KCNN1: variants seen among roughly 807,000 people sequenced by gnomAD.
The protein encoded by KCNN1 is potassium calcium-activated channel subfamily N member 1.
A neutral mutation model predicts 44.7 loss-of-function variants in KCNN1; 20 were observed. The observed-to-expected ratio is 0.45, with a 90% CI of 0.32 to 0.65. The LOEUF is 0.65. Among genes scored for constraint, KCNN1 ranks in the 30% least tolerant of loss-of-function variants. The pLI is 0.05. For synonymous variants in KCNN1, 324 were observed against 341.7 expected (o/e 0.95, Z 0.57); for missense variants, 632 against 785.3 (o/e 0.80, Z 2.33).
At chr19:17,968,119 C>G (rs1379404485) in intron 1 of KCNN1, among the ~76,000 whole-genome samples, 1 of 151,092 alleles carries the variant, frequency 6.6e-6, no homozygotes, top group South Asian at 2.1e-4. Flanking sequence ...GGGGGATCCT[C>G]GGAGACCTTC....
At chr19:17,982,562 C>G in intron 4 of KCNN1, 1 of 985,418 alleles carries the variant, frequency 1.0e-6, no homozygotes, top group South Asian at 4.7e-5. Context: ...CTCCACTGGA[C>G]TTTAGGGAAA....
chr19:17,984,935 C>T (rs2032543377), intron 4 of KCNN1, among the ~76,000 whole-genome samples: 1 of 152,140 alleles, frequency 6.6e-6, no homozygotes, highest in Non-Finnish European at 1.5e-5. Context: ...CTCCTTGGGG[C>T]CTTGCTGGCT....
chr19:17,989,185 C>T (rs1348098971), intron 6 of KCNN1, among the ~76,000 whole-genome samples: 1 of 152,122 alleles, frequency 6.6e-6, no homozygotes, highest in Non-Finnish European at 1.5e-5. Context: ...TGGCCGGGCG[C>T]GGTGGCTCAC....
At chr19:17,969,666 T>A (rs1256949103) in intron 1 of KCNN1, among the ~76,000 whole-genome samples, 1 of 152,206 alleles carries the variant, frequency 6.6e-6, no homozygotes, top group Non-Finnish European at 1.5e-5. Flanking sequence ...CATCCCCAAA[T>A]TGCATCTTCA....
At chr19:17,961,582 C>CTTTTT (rs756599442) in intron 2 of KCNN1, among the ~76,000 whole-genome samples, 5 of 101,308 alleles carry the variant, frequency 4.9e-5, no homozygotes, top group Admixed American at 1.0e-4. Context: ...TTCTTTCTTT[C>CTTTTT]TTTCTTTTTT....
chr19:17,965,140 C>T (rs183875984), upstream of KCNN1, among the ~76,000 whole-genome samples: 513 of 152,118 alleles, frequency 3.4e-3, 3 homozygotes, highest in South Asian at 5.0e-3. Context: ...TGGTGCACGC[C>T]TGTAATCCCA....
rs1014622547 is a variant in KCNN1, at chr19:17,981,611, G to T, written c.499-98G>T. On this transcript the variant is annotated intron_variant, in intron 3 of 9. Transcript: ENST00000684775. ...AAAAATCCGAGCCTGTGGGGTTTCA[G>T]GCCAGGCTGACGTCACTCTCTGGGG... The T allele has an allele frequency of 2.6e-5, 27 of 1,042,808 alleles. 1 individual carries two copies. In the Admixed American group the frequency reaches 6.7e-4, roughly 26 times the overall value. The allele number at this position is 1,042,808 out of a possible 1,614,324, so 64.6% of individuals were successfully genotyped here.
chr19:17,952,764 T>C (rs1259176485), intron 1 of KCNN1, among the ~76,000 whole-genome samples: 1 of 151,898 alleles, frequency 6.6e-6, no homozygotes, highest in African/African-American at 2.4e-5. Context: ...GGCTGCGCAG[T>C]AGGAGGGAAC....
Position 17,993,779 on chromosome 19 carries a change from C to T in KCNN1, c.1377+220C>T, listed in dbSNP as rs1486004193. 6.6e-6 allele frequency among the ~76,000 whole-genome samples: 1 copy of T among 151,866 alleles called. No homozygotes were observed. The highest frequency in any genetic ancestry group is 1.5e-5 in the Non-Finnish European group (1 of 67,978). ...TACAACAATTAGCCAGGCGTGGTGG[C>T]GGGCGCCTTTAATCCCAGCTACTTG... On this transcript the variant is annotated intron_variant, in intron 9 of 9. Transcript: ENST00000684775. This position sits in a 1 kb window ranked among gnomAD's most constrained non-coding sequence, Gnocchi z 4.5.
chr19:17,993,086 G>A lies in KCNN1; in HGVS notation c.1307+24G>A, dbSNP rs1416872304. The A allele has an allele frequency of 1.2e-6, 2 of 1,613,668 alleles. No individual in the cohort carries two copies. Among genetic ancestry groups the A allele is most frequent in the Admixed American group, 3.3e-5 (2 of 59,954 alleles). ...AAGTAAGTGTTCTCCCAGGGGCTTG[G>A]TGGGGCTGGGAAATCGGGGGTGCAT... On this transcript the variant is annotated intron_variant, in intron 8 of 9. Coordinates refer to ENST00000684775, the MANE Select transcript of KCNN1 (RefSeq NM_001386974.1). The surrounding 1 kb of genome is among the most constrained non-coding windows in gnomAD (Gnocchi z 4.5).
chr19:17,971,666 G>C (rs541882634), intron 1 of KCNN1, among the ~76,000 whole-genome samples: 3 of 151,810 alleles, frequency 2.0e-5, no homozygotes, highest in African/African-American at 7.2e-5. Context: ...GTTTCACCAT[G>C]TTGGTCAGGC....
At chr19:17,965,993 ATGCCTGCC>A (rs200975232), upstream of KCNN1, among the ~76,000 whole-genome samples, 455 of 144,796 alleles carry the variant, frequency 3.1e-3, 1 homozygote, top group African/African-American at 5.1e-3. Context: ...TCCCTCATTC[ATGCCTGCC>A]TGCCTGCCTG....
intron 1 of KCNN1, among the ~76,000 whole-genome samples, chr19:17,973,142 TG>T (rs1286785255): frequency 6.6e-6 from 1 of 152,206 alleles, no homozygotes; most frequent in Non-Finnish European, 1.5e-5. Context: ...TTTTTGTTTT[TG>T]TTTTTTTTAG....
chr19:17,961,394 T>C (rs1024411815), intron 2 of KCNN1, among the ~76,000 whole-genome samples: 2 of 151,722 alleles, frequency 1.3e-5, no homozygotes, highest in African/African-American at 4.8e-5. Flanking sequence ...CTGGGCAACA[T>C]AATGAGACCT....
upstream of KCNN1, among the ~76,000 whole-genome samples, chr19:17,965,736 CCT>C (rs79682422): frequency 0.19 from 29,382 of 152,030 alleles, 3,050 homozygotes; most frequent in East Asian, 0.37. Context: ...GTAACAGCCC[CCT>C]GTTACAGATC....
Position 17,974,957 on chromosome 19 carries a change from G to T in KCNN1, c.403-135G>T. ...GACTGGGGAACTAGCAGAAATTCAG[G>T]GTACAGTGGGAGAAGCCACTGGGAA... On this transcript the variant is annotated intron_variant, in intron 2 of 9. Coordinates refer to ENST00000684775, the MANE Select transcript of KCNN1 (RefSeq NM_001386974.1). The surrounding 1 kb of genome is among the most constrained non-coding windows in gnomAD (Gnocchi z 7.3). The T allele has an allele frequency of 1.5e-6, 1 of 659,372 alleles. No homozygotes were observed. The allele number at this position is 659,372 out of a possible 1,614,324, so 40.8% of individuals were successfully genotyped here. A position where few individuals can be genotyped will look rare whatever the true frequency, so the allele number is the denominator to read the frequency against.
chr19:17,952,758 G>A (rs1452282052), intron 1 of KCNN1, among the ~76,000 whole-genome samples: 1 of 152,214 alleles, frequency 6.6e-6, no homozygotes, highest in Admixed American at 6.5e-5. Context: ...TGGCCAGGCT[G>A]CGCAGTAGGA....
At chr19:17,967,096 C>T, upstream of KCNN1, 3 of 980,708 alleles carry the variant, frequency 3.1e-6, no homozygotes, top group Non-Finnish European at 3.6e-6. Context: ...CCCTTCTCTC[C>T]CGGCCCGGGC....
rs1395050675 is a variant in KCNN1 at position 17,974,103 on chromosome 19, A to G, written c.215A>G (p.Asp72Gly). 6.2e-7 allele frequency: 1 copy of G among 1,612,320 alleles called. No individual in the cohort carries two copies. The highest frequency in any genetic ancestry group is 2.2e-5 in the East Asian group (1 of 44,862). ...CAGGACCAGGACGATGACGAGGATG[A>G]TGAGGAAGATGAGGCCGGCAGGCAG... Reference protein sequence around the residue: ...QPQDQDDDEDDEEDEAGRQRA... With the variant: ...QPQDQDDDEDGEEDEAGRQRA... The change falls in exon 2 of 10, where the codon GAT becomes GGT. Residue 72 changes from aspartate (D) to glycine (G), a missense_variant. By Grantham distance (94) the Asp-to-Gly change is moderately conservative. Around this residue, in one of 3 missense-constraint regions of KCNN1, gnomAD observed 235 missense variants for 224.0 expected, o/e 1.05. Coordinates refer to ENST00000684775, the MANE Select transcript of KCNN1 (RefSeq NM_001386974.1). The surrounding 1 kb of genome is among the most constrained non-coding windows in gnomAD (Gnocchi z 7.3).
Sources: allele counts gnomAD v4.1 joint callset (sites outside exome capture counted in the v4.1 genomes callset), GRCh38; gene constraint gnomAD v4.1.1; regional missense constraint gnomAD v4.1.1; non-coding constraint Gnocchi (gnomAD v3.1); transcripts MANE v1.5; gene names NCBI Gene and HGNC (gene_info 2026-07-23, HGNC 2026-07-21).